The following HS3ST5 variants were observed in gnomAD, a reference collection of about 807,000 sequenced individuals.
HS3ST5 encodes heparan sulfate glucosamine 3-O-sulfotransferase 5.
In HS3ST5, 10 loss-of-function variants were observed where a neutral mutation model predicts 25.4. The ratio of observed to expected loss-of-function variants is 0.39; its 90% CI spans 0.24 to 0.67. HS3ST5 has a LOEUF of 0.67. Among genes scored for constraint, HS3ST5 ranks in the 30% least tolerant of loss-of-function variants. HS3ST5 has a pLI of 0.44. For synonymous variants in HS3ST5, 170 were observed against 162.4 expected (o/e 1.05, Z -0.36); for missense variants, 324 against 420.7 (o/e 0.77, Z 2.01).
At chr6:114,334,604 A>G (rs549298771) in intron 1 of HS3ST5, among the ~76,000 whole-genome samples, 1 of 152,304 alleles carries the variant, frequency 6.6e-6, no homozygotes, top group Admixed American at 6.5e-5. Context: ...TTAACATTGT[A>G]TTACGACTGC....
intron 2 of HS3ST5, among the ~76,000 whole-genome samples, chr6:114,209,263 T>C (rs951327684): frequency 1.4e-4 from 22 of 152,272 alleles, no homozygotes; most frequent in African/African-American, 5.3e-4. Flanking sequence ...TGGCACTGTT[T>C]TTGTTTTGGA....
intron 1 of HS3ST5, among the ~76,000 whole-genome samples, chr6:114,232,666 C>T (rs1771654315): frequency 6.6e-6 from 1 of 152,150 alleles, no homozygotes; most frequent in Admixed American, 6.5e-5. Flanking sequence ...GCCAAAATCC[C>T]AAGTCTTCAA....
At chr6:114,232,102 A>G (rs551924165) in intron 1 of HS3ST5, among the ~76,000 whole-genome samples, 1 of 152,254 alleles carries the variant, frequency 6.6e-6, no homozygotes, top group African/African-American at 2.4e-5. Context: ...TCGTGTGCCT[A>G]CCAATTTCAT....
intron 2 of HS3ST5, among the ~76,000 whole-genome samples, chr6:114,170,989 A>G (rs1779451211): frequency 6.6e-6 from 1 of 152,024 alleles, no homozygotes; most frequent in Non-Finnish European, 1.5e-5. Flanking sequence ...TCTATTGTGG[A>G]CTCCTAGTGA....
At chr6:114,084,029 G>A (rs1273161592) in intron 3 of HS3ST5, 1 of 547,798 alleles carries the variant, frequency 1.8e-6, no homozygotes, top group Non-Finnish European at 3.2e-6. Flanking sequence ...ATCTTATATT[G>A]TACAAACACT....
At chr6:114,239,995 C>T (rs575374667) in intron 1 of HS3ST5, among the ~76,000 whole-genome samples, 36 of 133,558 alleles carry the variant, frequency 2.7e-4, no homozygotes, top group African/African-American at 1.1e-3. Context: ...AATTCTTGAG[C>T]TTCAGCACAC....
At chr6:114,088,619 C>T (rs1774968451) in intron 3 of HS3ST5, among the ~76,000 whole-genome samples, 1 of 152,066 alleles carries the variant, frequency 6.6e-6, no homozygotes, top group Non-Finnish European at 1.5e-5. Flanking sequence ...TCTGCATATG[C>T]CTTCACAAAT....
At chr6:114,204,345 T>A (rs1582712208) in intron 2 of HS3ST5, among the ~76,000 whole-genome samples, 1 of 152,312 alleles carries the variant, frequency 6.6e-6, no homozygotes, top group East Asian at 1.9e-4. Flanking sequence ...GGTCCCAACA[T>A]GCATTATGAA....
In HS3ST5 at chr6:114,285,381, C is replaced by T. The variant is rs188603587; in HGVS notation, c.-338-56603G>A. On this transcript the variant is annotated intron_variant, in intron 1 of 4. Coordinates refer to ENST00000312719, the MANE Select transcript of HS3ST5 (RefSeq NM_153612.4). Reference sequence around the variant, plus strand: ...GGGTGACAAAATAATCTATACAACACACCCCTATGAAACAAGTTTACCTAT... The same window carrying T: ...GGGTGACAAAATAATCTATACAACATACCCCTATGAAACAAGTTTACCTAT... Among the ~76,000 whole-genome samples, 35 of 152,030 alleles carry T rather than the reference C, an allele frequency of 2.3e-4. No homozygotes were observed. In the East Asian group the frequency reaches 6.4e-3, roughly 28 times the overall value.
chr6:114,106,887 G>A (rs896139314), intron 3 of HS3ST5, among the ~76,000 whole-genome samples: 1 of 152,088 alleles, frequency 6.6e-6, no homozygotes, highest in Non-Finnish European at 1.5e-5. Flanking sequence ...AGATTGTTAT[G>A]TATTTTATCA....
chr6:114,059,031 A>G (rs1011813219), intron 4 of HS3ST5: 1 of 152,188 alleles, frequency 6.6e-6, no homozygotes, highest in Admixed American at 6.5e-5. Context: ...AAGGAGTGCA[A>G]TGGATATAGC....
chr6:114,309,110 C>A (rs1342869988), intron 1 of HS3ST5, among the ~76,000 whole-genome samples: 2 of 152,092 alleles, frequency 1.3e-5, no homozygotes, highest in Non-Finnish European at 2.9e-5. Context: ...AGAGATAGGG[C>A]CAGGAAAGCC....
At chr6:114,086,268 A>C (rs1774819908) in intron 3 of HS3ST5, among the ~76,000 whole-genome samples, 1 of 152,212 alleles carries the variant, frequency 6.6e-6, no homozygotes, top group Non-Finnish European at 1.5e-5. Flanking sequence ...ATTTAATCAG[A>C]TAAGCCCTTT....
At chr6:114,308,165 A>G (rs192720989) in intron 1 of HS3ST5, among the ~76,000 whole-genome samples, 2 of 152,346 alleles carry the variant, frequency 1.3e-5, no homozygotes, top group African/African-American at 2.4e-5. Context: ...TATACTAGTA[A>G]GTTTAGGAAT....
At chr6:114,271,131 C>A (rs751255310) in intron 1 of HS3ST5, among the ~76,000 whole-genome samples, 1 of 152,008 alleles carries the variant, frequency 6.6e-6, no homozygotes, top group Non-Finnish European at 1.5e-5. Flanking sequence ...AGGAGAAAGT[C>A]CACTTGGACA....
intron 3 of HS3ST5, among the ~76,000 whole-genome samples, chr6:114,160,253 T>G (rs925426986): frequency 8.5e-5 from 13 of 152,128 alleles, no homozygotes; most frequent in African/African-American, 3.1e-4. Flanking sequence ...CATGATTATT[T>G]TTAATACCTG....
At chr6:114,279,994 C>G (rs1253219717) in intron 1 of HS3ST5, among the ~76,000 whole-genome samples, 1 of 151,754 alleles carries the variant, frequency 6.6e-6, no homozygotes, top group East Asian at 2.0e-4. Flanking sequence ...TAAATGGGAC[C>G]AAAGCTAAAT....
chr6:114,291,690 A>G (rs1371800323), intron 1 of HS3ST5, among the ~76,000 whole-genome samples: 1 of 152,212 alleles, frequency 6.6e-6, no homozygotes, highest in Non-Finnish European at 1.5e-5. Flanking sequence ...CAGGAAAAAG[A>G]TCTGAAATGT....
intron 3 of HS3ST5, among the ~76,000 whole-genome samples, chr6:114,097,042 A>T (rs1190722529): frequency 6.6e-6 from 1 of 151,982 alleles, no homozygotes; most frequent in African/African-American, 2.4e-5. Context: ...TAAAAAGGGG[A>T]AAAAAAGAGC....
Sources: allele counts gnomAD v4.1 joint callset (sites outside exome capture counted in the v4.1 genomes callset), GRCh38; gene constraint gnomAD v4.1.1; transcripts MANE v1.5; gene names NCBI Gene and HGNC (gene_info 2026-07-23, HGNC 2026-07-21).